ELMO1: variants seen among roughly 807,000 people sequenced by gnomAD.
The protein encoded by ELMO1 is engulfment and cell motility 1, also known as engulfment and cell motility protein 1.
In ELMO1, 26 loss-of-function variants were observed where a neutral mutation model predicts 98.9. The observed-to-expected ratio is 0.26, with a 90% CI of 0.19 to 0.36. The LOEUF (loss-of-function observed/expected upper bound fraction) is 0.36, where lower values mean the gene tolerates loss of function less well. Among genes scored for constraint, ELMO1 ranks in the 10% least tolerant of loss-of-function variants. The pLI is 1.00. For synonymous variants in ELMO1, 346 were observed against 346.0 expected (o/e 1.00, Z 0.00); for missense variants, 627 against 935.2 (o/e 0.67, Z 4.30).
intron 13 of ELMO1, among the ~76,000 whole-genome samples, chr7:37,160,663 G>A (rs1258493871): frequency 6.6e-6 from 1 of 152,116 alleles, no homozygotes; most frequent in East Asian, 1.9e-4. Context: ...ATCATAAGTA[G>A]CCCCCAAATG....
At chr7:37,084,791 C>T (rs1327633053) in intron 15 of ELMO1, among the ~76,000 whole-genome samples, 1 of 149,130 alleles carries the variant, frequency 6.7e-6, no homozygotes, top group Admixed American at 6.7e-5. Context: ...GAATCTCACT[C>T]TGTTGCCCAG....
intron 1 of ELMO1, among the ~76,000 whole-genome samples, chr7:37,424,825 C>T (rs911505640): frequency 8.6e-5 from 13 of 151,636 alleles, no homozygotes; most frequent in African/African-American, 2.7e-4. Context: ...TTTTAAACTT[C>T]CCAAAGAGTA....
chr7:36,898,603 G>A (rs1269113424), intron 16 of ELMO1, among the ~76,000 whole-genome samples: 1 of 152,180 alleles, frequency 6.6e-6, no homozygotes, highest in East Asian at 1.9e-4. Flanking sequence ...TTCTGGCAAA[G>A]TCCACCTATG....
chr7:37,425,877 T>C (rs1804676323), intron 1 of ELMO1, among the ~76,000 whole-genome samples: 1 of 151,876 alleles, frequency 6.6e-6, no homozygotes, highest in African/African-American at 2.4e-5. Context: ...CTAGGCAGAG[T>C]CCCCCACTCC....
At chr7:37,290,451 T>C (rs1458753087) in intron 4 of ELMO1, among the ~76,000 whole-genome samples, 1 of 152,206 alleles carries the variant, frequency 6.6e-6, no homozygotes, top group Non-Finnish European at 1.5e-5. Flanking sequence ...CATCTCAGTG[T>C]ATTTGCAGAA....
chr7:37,205,865 G>T (rs1255102790), intron 13 of ELMO1, among the ~76,000 whole-genome samples: 2 of 151,810 alleles, frequency 1.3e-5, no homozygotes, highest in Non-Finnish European at 2.9e-5. Flanking sequence ...GAATAATGAG[G>T]ACTGACTGTA....
At position 37,211,438 on chromosome 7, in the gene ELMO1, A is replaced by T; in HGVS notation, c.1034T>A (p.Met345Lys). The part of the protein sequence containing the change: ...ESEPNNSSGS[M>K]EKRKSMYTRD... ...CGTGTACATGGACTTGCGTTTCTCC[A>T]TGCTGCCACTGCTGTTGTTAGGTTC... Residue 345 changes from methionine (M) to lysine (K), a missense_variant, in exon 13 of 22, where the codon ATG becomes AAG. Met to Lys is a moderately conservative substitution (Grantham distance 95). This residue lies in a region of ELMO1 where 492 missense variants were observed against 715.6 expected (regional missense o/e 0.69). Transcript: ENST00000310758. 6.2e-7 allele frequency: 1 copy of T among 1,614,040 alleles called. No individual in the cohort carries two copies. The highest frequency in any genetic ancestry group is 8.5e-7 in the Non-Finnish European group (1 of 1,179,978).
At chr7:36,984,969 T>G (rs1791389023) in intron 16 of ELMO1, 1 of 985,328 alleles carries the variant, frequency 1.0e-6, no homozygotes, top group South Asian at 4.7e-5. Flanking sequence ...TGCTCGGTGC[T>G]TGGGTTGCAT....
At chr7:37,176,719 G>A (rs7782590) in intron 13 of ELMO1, among the ~76,000 whole-genome samples, 131,996 of 152,206 alleles carry the variant, frequency 0.87, 58,524 homozygotes, top group Non-Finnish European at 0.96. Flanking sequence ...AAGCAAACAG[G>A]AAACAAAAAT....
chr7:36,985,131 G>A, intron 16 of ELMO1: 1 of 985,034 alleles, frequency 1.0e-6, no homozygotes, highest in Middle Eastern at 5.2e-4. Context: ...TTCATCACCA[G>A]TGTCAGAAAA....
intron 15 of ELMO1, among the ~76,000 whole-genome samples, chr7:37,015,967 T>C (rs1793907053): frequency 6.6e-6 from 1 of 152,234 alleles, no homozygotes; most frequent in Non-Finnish European, 1.5e-5. Flanking sequence ...AGATCAACAC[T>C]GGCAGACTGT....
chr7:36,887,473 G>T (rs2072522), intron 18 of ELMO1, 87 bp downstream of exon 18: 166,092 of 1,299,170 alleles, frequency 0.13, 12,529 homozygotes, highest in East Asian at 0.33. Flanking sequence ...TGGCCTACCC[G>T]TAAACCAACA....
At chr7:36,978,173 C>T (rs538041619) in intron 16 of ELMO1, among the ~76,000 whole-genome samples, 1 of 152,258 alleles carries the variant, frequency 6.6e-6, no homozygotes, top group South Asian at 2.1e-4. Flanking sequence ...ACCTCACTTT[C>T]TTTACCTGTA....
intron 1 of ELMO1, among the ~76,000 whole-genome samples, chr7:37,436,285 A>G (rs1245471779): frequency 6.6e-6 from 1 of 152,252 alleles, no homozygotes; most frequent in Non-Finnish European, 1.5e-5. Context: ...AGGCGTTGCT[A>G]CACAGCGGAC....
intron 16 of ELMO1, among the ~76,000 whole-genome samples, chr7:36,917,334 T>C (rs1355513672): frequency 6.6e-6 from 1 of 152,218 alleles, no homozygotes; most frequent in Admixed American, 6.5e-5. Context: ...TGGATTTATC[T>C]ACATTAAATT....
chr7:37,012,143 T>C (rs547025847), intron 16 of ELMO1, among the ~76,000 whole-genome samples: 1 of 152,322 alleles, frequency 6.6e-6, no homozygotes, highest in South Asian at 2.1e-4. Flanking sequence ...AGAGATGATA[T>C]GGCAAGTGAG....
intron 16 of ELMO1, among the ~76,000 whole-genome samples, chr7:36,960,644 A>G (rs1412170024): frequency 1.4e-5 from 2 of 139,994 alleles, no homozygotes; most frequent in African/African-American, 5.4e-5. Flanking sequence ...TTTTTTTTCT[A>G]TGACACTTCT....
intron 5 of ELMO1, among the ~76,000 whole-genome samples, chr7:37,260,116 G>T (rs1795903769): frequency 6.6e-6 from 1 of 152,118 alleles, no homozygotes; most frequent in Non-Finnish European, 1.5e-5. Context: ...TCAAGTCAAG[G>T]TTTTCATATC....
intron 13 of ELMO1, among the ~76,000 whole-genome samples, chr7:37,158,118 C>A (rs1187335288): frequency 1.3e-5 from 2 of 151,226 alleles, no homozygotes; most frequent in South Asian, 4.2e-4. Context: ...AAAGCTGAAA[C>A]TGGATTCCCT....
Sources: allele counts gnomAD v4.1 joint callset (sites outside exome capture counted in the v4.1 genomes callset), GRCh38; gene constraint gnomAD v4.1.1; regional missense constraint gnomAD v4.1.1; transcripts MANE v1.5; gene names NCBI Gene and HGNC (gene_info 2026-07-23, HGNC 2026-07-21).